LRMDA: variants seen among roughly 807,000 people sequenced by gnomAD.
The protein encoded by LRMDA is leucine-rich melanocyte differentiation-associated protein.
Under a neutral mutation model 29.8 loss-of-function variants are expected in LRMDA, and 18 were observed. The observed-to-expected ratio is 0.60, with a 90% CI of 0.42 to 0.90. LRMDA has a LOEUF of 0.90. Ranked by LOEUF, LRMDA falls within the 40% of genes least tolerant of loss-of-function variation. The probability of loss-of-function intolerance (pLI) is 0.00; values close to 1 mark genes in which losing one functional copy is unlikely to be tolerated. For missense variants in LRMDA, 273 were observed against 273.9 expected, an observed-to-expected ratio of 1.00 and a Z score of 0.02; for synonymous variants, 125 against 109.4, an observed-to-expected ratio of 1.14 and a Z score of -0.89.
intron 2 of LRMDA, among the ~76,000 whole-genome samples, chr10:75,494,130 C>T (rs1845019309): frequency 6.6e-6 from 1 of 152,180 alleles, no homozygotes; most frequent in Non-Finnish European, 1.5e-5. Flanking sequence ...AGTTCATATG[C>T]TATGAAGTGG....
chr10:76,310,017 T>C (rs1160472472), intron 5 of LRMDA, among the ~76,000 whole-genome samples: 2 of 152,226 alleles, frequency 1.3e-5, no homozygotes, highest in Non-Finnish European at 2.9e-5. Flanking sequence ...ATGTATGACA[T>C]GAAAAGACTT....
chr10:76,062,109 C>G (rs570703678), intron 5 of LRMDA, among the ~76,000 whole-genome samples: 1 of 152,144 alleles, frequency 6.6e-6, no homozygotes, highest in Non-Finnish European at 1.5e-5. Context: ...AAGCAATTTC[C>G]TTTCCATGTG....
chr10:75,489,013 T>C (rs900196865), intron 2 of LRMDA, among the ~76,000 whole-genome samples: 1 of 152,164 alleles, frequency 6.6e-6, no homozygotes, highest in African/African-American at 2.4e-5. Context: ...AGTCCCTCTA[T>C]GACCTTGTGC....
At chr10:75,789,975 G>A (rs989799628) in intron 2 of LRMDA, among the ~76,000 whole-genome samples, 2 of 152,174 alleles carry the variant, frequency 1.3e-5, no homozygotes, top group East Asian at 3.9e-4. Flanking sequence ...CCAAATATAC[G>A]AGATGGTTAA....
At position 76,559,269 on chromosome 10, in the gene LRMDA, A is replaced by C. The variant is rs1000668876; in HGVS notation, c.*1981A>C. The stretch of plus-strand genomic sequence containing the variant: ...TTTTCTTACTTGTTTACTTTTTTTA[A>C]TGTCAGAACCATTTGTATCATGCGC... On this transcript the variant is annotated 3_prime_UTR_variant, in exon 7 of 7. Transcript: ENST00000611255. 3 of 152,118 alleles carry C rather than the reference A, an allele frequency of 2.0e-5. No homozygotes were observed. The highest frequency in any genetic ancestry group is 2.9e-5 in the Non-Finnish European group (2 of 68,014). 9.4% of individuals were successfully genotyped at this position (152,118 alleles called of 1,614,324 possible).
chr10:76,282,280 C>CT (rs1840215912), intron 5 of LRMDA, among the ~76,000 whole-genome samples: 2 of 152,136 alleles, frequency 1.3e-5, no homozygotes, highest in African/African-American at 4.8e-5. Context: ...AAATTTTTAA[C>CT]TTAATTAATT....
chr10:76,038,439 A>G (rs1325395068), intron 3 of LRMDA, among the ~76,000 whole-genome samples: 1 of 152,210 alleles, frequency 6.6e-6, no homozygotes, highest in African/African-American at 2.4e-5. Flanking sequence ...AGCAGAAGAC[A>G]CTGTGTGGCT....
chr10:75,611,498 A>G (rs190275294), intron 2 of LRMDA, among the ~76,000 whole-genome samples: 3 of 152,226 alleles, frequency 2.0e-5, no homozygotes, highest in Admixed American at 1.3e-4. Context: ...CTCCATACCC[A>G]TTAAATAGCC....
intron 2 of LRMDA, among the ~76,000 whole-genome samples, chr10:75,481,995 G>A (rs534728499): frequency 2.0e-5 from 3 of 152,244 alleles, no homozygotes; most frequent in South Asian, 2.1e-4. Flanking sequence ...AAATCTCTCC[G>A]TTAGGTGTTC....
intron 6 of LRMDA, among the ~76,000 whole-genome samples, chr10:76,427,409 G>A (rs1324461875): frequency 2.0e-5 from 3 of 152,158 alleles, no homozygotes; most frequent in African/African-American, 7.2e-5. Flanking sequence ...CTGTTTGTCT[G>A]TTATTGGTGT....
intron 5 of LRMDA, among the ~76,000 whole-genome samples, chr10:76,253,120 A>T (rs1287416803): frequency 6.6e-6 from 1 of 152,116 alleles, no homozygotes; most frequent in African/African-American, 2.4e-5. Context: ...AAACTCTCCC[A>T]TCCCTTGCTT....
intron 6 of LRMDA, among the ~76,000 whole-genome samples, chr10:76,482,806 C>T (rs991877370): frequency 2.6e-5 from 4 of 151,938 alleles, no homozygotes; most frequent in African/African-American, 9.7e-5. Context: ...CAGTTCAATT[C>T]AGCAGTTGTT....
chr10:76,030,862 TTC>T (rs1215026429), intron 2 of LRMDA, among the ~76,000 whole-genome samples: 1 of 152,338 alleles, frequency 6.6e-6, no homozygotes, highest in Non-Finnish European at 1.5e-5. Context: ...ACCTCACCAA[TTC>T]TCTCTTTTCT....
chr10:75,901,601 C>G (rs1845674141), intron 2 of LRMDA, among the ~76,000 whole-genome samples: 1 of 152,068 alleles, frequency 6.6e-6, no homozygotes, highest in Non-Finnish European at 1.5e-5. Context: ...GAAAAAAGAA[C>G]CGAGACAATC....
At chr10:76,180,869 T>C (rs1462792899) in intron 5 of LRMDA, among the ~76,000 whole-genome samples, 4 of 152,182 alleles carry the variant, frequency 2.6e-5, no homozygotes, top group East Asian at 1.9e-4. Flanking sequence ...GCCTTATCAA[T>C]CTACCCTAGA....
intron 5 of LRMDA, among the ~76,000 whole-genome samples, chr10:76,134,503 A>G (rs927779345): frequency 2.6e-5 from 4 of 152,184 alleles, no homozygotes; most frequent in African/African-American, 4.8e-5. Flanking sequence ...ACACTATTAT[A>G]GCCACAAATC....
intron 2 of LRMDA, among the ~76,000 whole-genome samples, chr10:75,922,869 A>G (rs1240877197): frequency 6.6e-6 from 1 of 152,070 alleles, no homozygotes; most frequent in African/African-American, 2.4e-5. Flanking sequence ...TCTATTTCCT[A>G]TACTTTGTTC....
chr10:75,860,745 A>G (rs1275810186), intron 2 of LRMDA, among the ~76,000 whole-genome samples: 1 of 152,194 alleles, frequency 6.6e-6, no homozygotes, highest in East Asian at 1.9e-4. Context: ...TGATGGTGAC[A>G]GGGTGTCCAT....
intron 6 of LRMDA, among the ~76,000 whole-genome samples, chr10:76,538,324 A>G (rs1222391929): frequency 6.6e-6 from 1 of 151,826 alleles, no homozygotes; most frequent in Non-Finnish European, 1.5e-5. Flanking sequence ...TCTTTTTGGA[A>G]AGCATAGATG....
Sources: allele counts gnomAD v4.1 joint callset (sites outside exome capture counted in the v4.1 genomes callset), GRCh38; gene constraint gnomAD v4.1.1; transcripts MANE v1.5; gene names NCBI Gene and HGNC (gene_info 2026-07-23, HGNC 2026-07-21).